F5: variants seen among roughly 807,000 people sequenced by gnomAD.
The protein encoded by F5 is coagulation factor V.
Under a neutral mutation model 216.4 loss-of-function variants are expected in F5, and 138 were observed. That is an observed-to-expected ratio of 0.64 (90% CI 0.56 to 0.73). The LOEUF is 0.73. Among genes scored for constraint, F5 ranks in the 30% least tolerant of loss-of-function variants. The pLI, the probability that F5 is intolerant of heterozygous loss-of-function variation, is 0.00. For synonymous variants in F5, 916 were observed against 930.7 expected (o/e 0.98, Z 0.29); for missense variants, 2,403 against 2,674.0 (o/e 0.90, Z 2.24).
chr1:169,560,838 G>T (rs1660465308), intron 3 of F5, 72 bp from the exon 4 acceptor site: 2 of 1,382,256 alleles, frequency 1.4e-6, no homozygotes, highest in Non-Finnish European at 2.1e-6. Context: ...CTCAAATCTG[G>T]GGATAGCTAA....
chr1:169,565,520 T>C (rs550188036), intron 3 of F5, among the ~76,000 whole-genome samples: 2 of 152,144 alleles, frequency 1.3e-5, no homozygotes, highest in African/African-American at 4.8e-5. Flanking sequence ...TCAAAGCTCA[T>C]GGCTGTGTGT....
intron 20 of F5, 31 bp from the exon 21 acceptor site, chr1:169,523,383 T>C: frequency 6.2e-7 from 1 of 1,613,398 alleles, no homozygotes; most frequent in African/African-American, 1.3e-5. Context: ...TAAACAGAAC[T>C]GTCCTTGTCA....
Position 169,540,897 on chromosome 1 carries a change from C to A in F5, c.4193G>T (p.Ser1398Ile), listed in dbSNP as rs1441879713. The change falls in exon 13 of 25, where the codon AGT (serine) becomes ATT (isoleucine). Residue 1398 changes from serine (S) to isoleucine (I), a missense_variant. Physicochemically the swap from Ser to Ile is moderately radical, Grantham distance 142. This residue lies in a region of F5 where 293 missense variants were observed against 270.8 expected (regional missense o/e 1.08). Transcript: ENST00000367797. Reference sequence around the variant, plus strand: ...GAGGTCTGGGGTAAGGGGAATTTGACTGAGATCTGCAAAGAGGGGCATCTC... The same window carrying A: ...GAGGTCTGGGGTAAGGGGAATTTGAATGAGATCTGCAAAGAGGGGCATCTC... ...LSEMPLFADL[S>I]QIPLTPDLDQ... The A allele has an allele frequency of 1.2e-6, 2 of 1,611,562 alleles. No individual in the cohort carries two copies. The highest frequency in any genetic ancestry group is 4.5e-5 in the East Asian group (2 of 44,532).
intron 24 of F5, among the ~76,000 whole-genome samples, chr1:169,514,792 C>T (rs1477574323): frequency 6.6e-6 from 1 of 152,130 alleles, no homozygotes; most frequent in Non-Finnish European, 1.5e-5. Context: ...TTTCATCTCA[C>T]CAGTGATCTG....
In F5 at chr1:169,514,606, C is replaced by T. The variant is rs4656685; in HGVS notation, c.6529-147G>A. The T allele has an allele frequency of 0.26, 178,489 of 676,130 alleles. 24,712 individuals are homozygous for T. The highest frequency in any genetic ancestry group is 0.37 in the Admixed American group (14,215 of 38,582). 41.9% of individuals were successfully genotyped at this position (676,130 alleles called of 1,614,324 possible). ...TGGCTCACTGCAGCCTTAAACTCCTCTCAAGTAATCCTCTTGCCTCAGCCT... is the reference window on the plus strand; with the variant it reads ...TGGCTCACTGCAGCCTTAAACTCCTTTCAAGTAATCCTCTTGCCTCAGCCT... On this transcript the variant is annotated intron_variant, in intron 24 of 24. Transcript: ENST00000367797.
intron 3 of F5, among the ~76,000 whole-genome samples, chr1:169,570,829 T>C (rs1660705908): frequency 6.6e-6 from 1 of 152,186 alleles, no homozygotes; most frequent in Non-Finnish European, 1.5e-5. Context: ...CCAGTCATTA[T>C]TCTAAGATTT....
chr1:169,578,880 C>T (rs1461146002), intron 2 of F5, among the ~76,000 whole-genome samples: 2 of 152,206 alleles, frequency 1.3e-5, no homozygotes, highest in Non-Finnish European at 2.9e-5. Context: ...ATGCTTCCTG[C>T]TTCTTCTAAG....
chr1:169,564,011 A>G (rs1396687239), intron 3 of F5, among the ~76,000 whole-genome samples: 1 of 152,112 alleles, frequency 6.6e-6, no homozygotes, highest in Non-Finnish European at 1.5e-5. Context: ...CAGTTAAGAT[A>G]CTTGAAATCA....
At chr1:169,556,572 G>C in intron 6 of F5, 74 bp downstream of exon 6, 18 of 1,450,922 alleles carry the variant, frequency 1.2e-5, no homozygotes, top group Non-Finnish European at 1.7e-5. Context: ...AAGGGCAAGG[G>C]AGAAAGAGGG....
rs6660796 is a variant in F5, at chr1:169,529,001, T to C, written c.5419+607A>G. 7.0e-3 allele frequency among the ~76,000 whole-genome samples: 1,060 copies of C among 152,312 alleles called. 6 individuals are homozygous for C. The highest frequency in any genetic ancestry group is 0.016 in the Admixed American group (252 of 15,300). ...AGCTCGTACCTTTCTCTTCTCAGTTTCTGTTTCAGTTACTAGCTTACAGGG... is the reference window on the plus strand; with the variant it reads ...AGCTCGTACCTTTCTCTTCTCAGTTCCTGTTTCAGTTACTAGCTTACAGGG... On this transcript the variant is annotated intron_variant, in intron 16 of 24. Transcript: ENST00000367797.
At chr1:169,524,978 G>T in intron 18 of F5, 70 bp from the exon 19 acceptor site, 1 of 1,210,822 alleles carries the variant, frequency 8.3e-7, no homozygotes, top group Non-Finnish European at 1.2e-6. Context: ...AAACTCCATG[G>T]TTAGGGATTA....
chr1:169,530,616 C>T (rs190870185), intron 15 of F5, among the ~76,000 whole-genome samples, 170 bp downstream of exon 15: 16 of 152,316 alleles, frequency 1.1e-4, no homozygotes, highest in Admixed American at 1.0e-3. Flanking sequence ...TGAAGAGCTG[C>T]ATGGAGAGTC....
chr1:169,514,583 G>T, intron 24 of F5, 124 bp from the exon 25 acceptor site: 2 of 767,092 alleles, frequency 2.6e-6, no homozygotes, highest in Non-Finnish European at 4.3e-6. Flanking sequence ...CACAGTCATG[G>T]CTCACTGCAG....
At chr1:169,523,994 C>T in intron 19 of F5, 90 bp from the exon 20 acceptor site, 1 of 1,051,238 alleles carries the variant, frequency 9.5e-7, no homozygotes, top group Non-Finnish European at 1.5e-6. Flanking sequence ...AAAACCAGAT[C>T]CTTGGAGGAC....
At chr1:169,553,247 C>G (rs763545007) in intron 7 of F5, among the ~76,000 whole-genome samples, 3 of 152,222 alleles carry the variant, frequency 2.0e-5, no homozygotes, top group Non-Finnish European at 2.9e-5. Context: ...AAAGCAACCT[C>G]CTTCACCCAT....
chr1:169,552,940 TA>T (rs935726032), intron 7 of F5, among the ~76,000 whole-genome samples: 55 of 152,316 alleles, frequency 3.6e-4, no homozygotes, highest in African/African-American at 1.2e-3. Flanking sequence ...GCATCACTGA[TA>T]AAAGTCATAG....
At chr1:169,517,725 A>G (rs1659191929) in intron 23 of F5, among the ~76,000 whole-genome samples, 2 of 152,164 alleles carry the variant, frequency 1.3e-5, no homozygotes, top group African/African-American at 4.8e-5. Flanking sequence ...AACTTAGATC[A>G]CTGATTTTAT....
At chr1:169,559,436 T>C in intron 4 of F5, 140 bp from the exon 5 acceptor site, 1 of 876,742 alleles carries the variant, frequency 1.1e-6, no homozygotes, top group Non-Finnish European at 1.8e-6. Flanking sequence ...TAAAATAGCA[T>C]ATTTATCAAG....
Position 169,540,615 on chromosome 1 carries a change from G to A in F5, c.4475C>T (p.Ser1492Phe), listed in dbSNP as rs1659811003. Reference sequence around the variant, plus strand: ...ATCATTGAGAGTAGGAGATGAAGGAGATGGCATCTGACCAAGGTCTGGATA... The same window carrying A: ...ATCATTGAGAGTAGGAGATGAAGGAAATGGCATCTGACCAAGGTCTGGATA... The part of the protein sequence containing the change: ...FPYPDLGQMP[S>F]PSSPTLNDTF... Residue 1492 changes from serine (S) to phenylalanine (F), a missense_variant, in exon 13 of 25, where the codon TCT becomes TTT. Ser to Phe is a radical substitution (Grantham distance 155). Transcript: ENST00000367797. 1.9e-6 allele frequency: 3 copies of A among 1,613,962 alleles called. No homozygotes were observed. Among genetic ancestry groups the A allele is most frequent in the Non-Finnish European group, 2.5e-6 (3 of 1,179,996 alleles).
Sources: gnomAD v4.1 joint callset for allele counts (sites outside exome capture counted in the v4.1 genomes callset) on GRCh38, gnomAD v4.1.1 for gene constraint, gnomAD v4.1.1 regional missense constraint, MANE v1.5 for transcripts, NCBI Gene and HGNC (gene_info 2026-07-23, HGNC 2026-07-21) for gene names.